Variants in EYA4 observed in about 807,000 individuals in gnomAD.
EYA4 encodes the protein EYA transcriptional coactivator and phosphatase 4, also known as protein phosphatase EYA4.
Under a neutral mutation model 87.9 loss-of-function variants are expected in EYA4, and 31 were observed. The ratio of observed to expected loss-of-function variants is 0.35; its 90% CI spans 0.27 to 0.48. The LOEUF is 0.48. Ranked by LOEUF, EYA4 falls within the 20% of genes least tolerant of loss-of-function variation. EYA4 has a pLI of 0.99. For synonymous variants in EYA4, 263 were observed against 270.6 expected, an observed-to-expected ratio of 0.97 and a Z score of 0.28; for missense variants, 678 against 761.4, an observed-to-expected ratio of 0.89 and a Z score of 1.29.
intron 3 of EYA4, among the ~76,000 whole-genome samples, chr6:133,444,476 G>A (rs1792603555): frequency 6.6e-6 from 1 of 152,106 alleles, no homozygotes; most frequent in Non-Finnish European, 1.5e-5. Context: ...GTTTATTTGG[G>A]TTGTGCTGTC....
At chr6:133,377,139 A>C (rs1562348201) in intron 2 of EYA4, among the ~76,000 whole-genome samples, 1 of 151,976 alleles carries the variant, frequency 6.6e-6, no homozygotes, top group Non-Finnish European at 1.5e-5. Context: ...GGTCTAGGTG[A>C]GTGCTGTTCA....
intron 3 of EYA4, among the ~76,000 whole-genome samples, chr6:133,408,967 T>G (rs769672540): frequency 6.6e-6 from 1 of 152,210 alleles, no homozygotes; most frequent in Non-Finnish European, 1.5e-5. Flanking sequence ...TTCCACTCAC[T>G]AGACTTGATT....
At chr6:133,259,575 C>A (rs914097597) in intron 1 of EYA4, among the ~76,000 whole-genome samples, 1 of 152,130 alleles carries the variant, frequency 6.6e-6, no homozygotes, top group Non-Finnish European at 1.5e-5. Context: ...TTCCTGGATG[C>A]CTCAATTAAA....
chr6:133,461,226 T>A, intron 7 of EYA4, 46 bp downstream of exon 7: 3 of 1,255,992 alleles, frequency 2.4e-6, no homozygotes, highest in Non-Finnish European at 3.5e-6. Context: ...AACATTTATG[T>A]CTATACATGT....
At chr6:133,462,936 C>T (rs1794526363) in intron 9 of EYA4, among the ~76,000 whole-genome samples, 172 bp downstream of exon 9, 1 of 152,074 alleles carries the variant, frequency 6.6e-6, no homozygotes, top group African/African-American at 2.4e-5. Flanking sequence ...GTTGAGTATA[C>T]GTCAGGAAAC....
At chr6:133,336,199 A>T (rs189833960) in intron 2 of EYA4, among the ~76,000 whole-genome samples, 1 of 152,304 alleles carries the variant, frequency 6.6e-6, no homozygotes, top group East Asian at 1.9e-4. Context: ...TTTTTGGGGA[A>T]TAATATAGTC....
intron 3 of EYA4, among the ~76,000 whole-genome samples, chr6:133,440,775 A>G (rs1792195769): frequency 6.6e-6 from 1 of 152,224 alleles, no homozygotes; most frequent in African/African-American, 2.4e-5. Context: ...ACTTGAAGAT[A>G]AAGCTGAATG....
intron 19 of EYA4, chr6:133,526,076 C>G (rs1015502567): frequency 4.6e-6 from 1 of 217,072 alleles, no homozygotes; most frequent in Non-Finnish European, 7.8e-6. Flanking sequence ...CAATTAAAAA[C>G]CATTAAATGG....
intron 2 of EYA4, among the ~76,000 whole-genome samples, chr6:133,332,317 A>C: frequency 6.6e-6 from 1 of 152,078 alleles, no homozygotes; most frequent in East Asian, 1.9e-4. Flanking sequence ...CCCTTAATTA[A>C]AGTTCTTCTT....
At chr6:133,331,649 A>G (rs1011755976) in intron 2 of EYA4, among the ~76,000 whole-genome samples, 1 of 152,204 alleles carries the variant, frequency 6.6e-6, no homozygotes, top group Non-Finnish European at 1.5e-5. Context: ...AGCCATGCTG[A>G]GTCCTCACAA....
At chr6:133,345,042 C>G (rs561947049) in intron 2 of EYA4, among the ~76,000 whole-genome samples, 10 of 152,212 alleles carry the variant, frequency 6.6e-5, no homozygotes, top group African/African-American at 2.4e-4. Flanking sequence ...GGACTAGATA[C>G]TCCTTGAGAT....
intron 3 of EYA4, among the ~76,000 whole-genome samples, chr6:133,438,235 A>G (rs985863520): frequency 1.8e-4 from 28 of 152,054 alleles, no homozygotes; most frequent in Admixed American, 1.8e-3. Context: ...AATTGTAAAT[A>G]TCTAGATAAT....
intron 3 of EYA4, among the ~76,000 whole-genome samples, chr6:133,399,096 T>C (rs1788045959): frequency 6.6e-6 from 1 of 152,192 alleles, no homozygotes; most frequent in South Asian, 2.1e-4. Flanking sequence ...GTGCCCACAC[T>C]GGATCATGCT....
chr6:133,530,988 A>G lies in EYA4; in HGVS notation c.*2183A>G, dbSNP rs1800976756. The G allele has an allele frequency of 1.6e-6, 2 of 1,286,164 alleles. No individual in the cohort carries two copies. Among genetic ancestry groups the G allele is most frequent in the Non-Finnish European group, 2.0e-6 (2 of 1,016,568 alleles). The allele number at this position is 1,286,164 out of a possible 1,614,324, so 79.7% of individuals were successfully genotyped here. ...ATATTTATTACTGTGAATAAAAACA[A>G]ATTATCTTTACTGTATAGCTGGTTT... On this transcript the variant is annotated 3_prime_UTR_variant, in exon 20 of 20. Transcript: ENST00000355286.
intron 1 of EYA4, among the ~76,000 whole-genome samples, chr6:133,271,335 A>G (rs1756144082): frequency 6.6e-6 from 1 of 152,130 alleles, no homozygotes; most frequent in Admixed American, 6.5e-5. Flanking sequence ...AGACCAGTGA[A>G]TTCTGTGAGC....
rs990936240 is a variant in EYA4, at chr6:133,528,849, A to G, written c.*44A>G. The stretch of plus-strand genomic sequence containing the variant: ...GATCCATTTTTTATATTTCAAGTAC[A>G]CTGAATTTTTATGTGTGATTCAATG... On this transcript the variant is annotated 3_prime_UTR_variant, in exon 20 of 20. Transcript: ENST00000355286. The G allele has an allele frequency of 2.5e-6, 4 of 1,611,622 alleles. No individual in the cohort carries two copies. Among genetic ancestry groups the G allele is most frequent in the Non-Finnish European group, 3.4e-6 (4 of 1,178,174 alleles).
intron 3 of EYA4, among the ~76,000 whole-genome samples, chr6:133,392,079 G>T (rs2128496737): frequency 6.6e-6 from 1 of 152,184 alleles, no homozygotes; most frequent in East Asian, 1.9e-4. Context: ...AAGTGGAGTG[G>T]CAGCGAAACT....
chr6:133,335,569 T>C (rs764690805), intron 2 of EYA4, among the ~76,000 whole-genome samples: 23 of 152,212 alleles, frequency 1.5e-4, no homozygotes, highest in Non-Finnish European at 2.8e-4. Context: ...TCTTAAGTGC[T>C]GCAGAGTTAG....
intron 18 of EYA4, 164 bp from the exon 19 acceptor site, chr6:133,524,990 G>T (rs956359786): frequency 2.5e-6 from 4 of 1,579,536 alleles, no homozygotes; most frequent in African/African-American, 2.7e-5. Flanking sequence ...GTGGCTGGAA[G>T]AATAAGCAGT....
Sources: gnomAD v4.1 joint callset for allele counts (sites outside exome capture counted in the v4.1 genomes callset) on GRCh38, gnomAD v4.1.1 for gene constraint, MANE v1.5 for transcripts, NCBI Gene and HGNC (gene_info 2026-07-23, HGNC 2026-07-21) for gene names.